The following PTPRD variants were observed in gnomAD, a reference collection of about 807,000 sequenced individuals.
PTPRD encodes the protein receptor-type tyrosine-protein phosphatase delta.
In PTPRD, 34 loss-of-function variants were observed where a neutral mutation model predicts 214.5. The observed-to-expected ratio is 0.16, with a 90% CI of 0.12 to 0.21. The LOEUF (loss-of-function observed/expected upper bound fraction) is 0.21. Among genes scored for constraint, PTPRD ranks in the 10% least tolerant of loss-of-function variants. PTPRD has a pLI of 1.00. For synonymous variants in PTPRD, 1,128 were observed against 845.7 expected (o/e 1.33, Z -5.79); for missense variants, 2,545 against 2,398.7 (o/e 1.06, Z -1.27).
intron 9 of PTPRD, among the ~76,000 whole-genome samples, chr9:9,347,089 C>A (rs1267601320): frequency 3.3e-5 from 5 of 152,060 alleles, no homozygotes; most frequent in African/African-American, 1.2e-4. Flanking sequence ...ATCACTTGAG[C>A]CTGGGAGGTT....
At chr9:9,664,030 A>C (rs1202940609) in intron 7 of PTPRD, among the ~76,000 whole-genome samples, 1 of 150,282 alleles carries the variant, frequency 6.7e-6, no homozygotes, top group East Asian at 1.9e-4. Flanking sequence ...TCACTGATAC[A>C]TTAGGTTTTA....
rs937430481 is a variant in PTPRD, at chr9:8,336,925, G to A, written c.5379+1997C>T. ...ACCATCTTACACCAGTTAGAATGGC[G>A]ATCATTAAAAAGTCAGGAAACAACA... On this transcript the variant is annotated intron_variant, in intron 43 of 45. Transcript: ENST00000381196. 5.3e-5 allele frequency among the ~76,000 whole-genome samples: 8 copies of A among 152,198 alleles called. No homozygotes were observed. In the East Asian group the frequency reaches 5.8e-4, roughly 11 times the overall value.
intron 9 of PTPRD, among the ~76,000 whole-genome samples, chr9:9,311,109 G>C (rs965254712): frequency 3.9e-5 from 6 of 151,910 alleles, no homozygotes; most frequent in Admixed American, 2.0e-4. Context: ...AATAGGAAAA[G>C]GCAAACGCCA....
chr9:9,323,686 C>T (rs1464191624), intron 9 of PTPRD, among the ~76,000 whole-genome samples: 1 of 151,966 alleles, frequency 6.6e-6, no homozygotes, highest in Non-Finnish European at 1.5e-5. Flanking sequence ...CATATGCATT[C>T]TCTCTCTTGT....
intron 27 of PTPRD, among the ~76,000 whole-genome samples, chr9:8,487,984 A>G (rs538149259): frequency 3.9e-5 from 6 of 152,256 alleles, no homozygotes; most frequent in African/African-American, 1.4e-4. Flanking sequence ...AGCTATGATC[A>G]CACCATTGCT....
intron 14 of PTPRD, among the ~76,000 whole-genome samples, chr9:8,559,056 T>TA (rs1158492700): frequency 1.1e-4 from 16 of 152,222 alleles, no homozygotes; most frequent in African/African-American, 3.4e-4. Flanking sequence ...TTTTACTTGT[T>TA]TCTATCTCTT....
At chr9:8,389,434 C>T (rs201895961) in intron 36 of PTPRD, 27 bp from the exon 37 acceptor site, 1 of 1,576,490 alleles carries the variant, frequency 6.3e-7, no homozygotes, top group Non-Finnish European at 8.6e-7. Flanking sequence ...GTTATTCAAC[C>T]AGGTGAGCAC....
At chr9:8,634,497 A>G (rs914628529) in intron 13 of PTPRD, among the ~76,000 whole-genome samples, 5 of 152,110 alleles carry the variant, frequency 3.3e-5, no homozygotes, top group Non-Finnish European at 5.9e-5. Flanking sequence ...AAGGACATTC[A>G]TATTTTCAAA....
chr9:10,159,895 G>A (rs2099117100), intron 3 of PTPRD, among the ~76,000 whole-genome samples: 1 of 151,956 alleles, frequency 6.6e-6, no homozygotes, highest in South Asian at 2.1e-4. Context: ...GAGAATTATT[G>A]GTGTTCAAAA....
At chr9:9,513,496 C>T (rs7032638) in intron 8 of PTPRD, among the ~76,000 whole-genome samples, 10,296 of 151,602 alleles carry the variant, frequency 0.068, 470 homozygotes, top group African/African-American at 0.13. Flanking sequence ...TATATATTAA[C>T]ATTTTGCTTT....
At chr9:10,394,260 T>C (rs937351472) in intron 2 of PTPRD, among the ~76,000 whole-genome samples, 17 of 147,446 alleles carry the variant, frequency 1.2e-4, no homozygotes, top group Admixed American at 2.7e-4. Flanking sequence ...AATATAACCA[T>C]TTGTCTTATA....
chr9:10,169,151 C>T (rs979225945), intron 3 of PTPRD, among the ~76,000 whole-genome samples: 1 of 152,044 alleles, frequency 6.6e-6, no homozygotes, highest in Non-Finnish European at 1.5e-5. Context: ...GTATTGATGT[C>T]CAAATCCTAT....
Position 9,520,613 on chromosome 9 carries a change from T to C in PTPRD, c.-237+54119A>G, listed in dbSNP as rs530058746. ...AAGGCGCAGACTAATTTTGAAGGAATATGGTCAACAAACAGTTATCGAGAT... is the reference window on the plus strand; with the variant it reads ...AAGGCGCAGACTAATTTTGAAGGAACATGGTCAACAAACAGTTATCGAGAT... On this transcript the variant is annotated intron_variant, in intron 8 of 45. Coordinates refer to ENST00000381196, the MANE Select transcript of PTPRD (RefSeq NM_002839.4). 2.6e-5 allele frequency among the ~76,000 whole-genome samples: 4 copies of C among 152,328 alleles called. No individual in the cohort carries two copies. In the South Asian group the frequency reaches 8.3e-4, roughly 32 times the overall value.
At chr9:8,705,696 G>C (rs2098191594) in intron 12 of PTPRD, among the ~76,000 whole-genome samples, 1 of 152,100 alleles carries the variant, frequency 6.6e-6, no homozygotes, top group Non-Finnish European at 1.5e-5. Flanking sequence ...ACATAAAATA[G>C]TTTTAAAGGA....
At chr9:10,334,390 G>A (rs923989581) in intron 3 of PTPRD, among the ~76,000 whole-genome samples, 1 of 151,420 alleles carries the variant, frequency 6.6e-6, no homozygotes, top group Non-Finnish European at 1.5e-5. Flanking sequence ...GGAATAGAAG[G>A]GAGCTTCCTC....
intron 2 of PTPRD, among the ~76,000 whole-genome samples, chr9:10,421,727 T>C (rs978641527): frequency 3.9e-5 from 6 of 152,066 alleles, no homozygotes; most frequent in Admixed American, 1.3e-4. Flanking sequence ...GTCTCTTTCA[T>C]AGAAACTTGC....
chr9:9,409,837 G>T (rs912562950), intron 8 of PTPRD, among the ~76,000 whole-genome samples: 1 of 152,044 alleles, frequency 6.6e-6, no homozygotes, highest in Non-Finnish European at 1.5e-5. Flanking sequence ...GATGAAAAAT[G>T]TCTAAGGTTT....
In PTPRD at chr9:8,555,098, A is replaced by G. The variant is rs149307340; in HGVS notation, c.353-26319T>C. On this transcript the variant is annotated intron_variant, in intron 14 of 45. Transcript: ENST00000381196. ...TTATAATTTACTAACTTCCCAGAAT[A>G]AGTCAGATGCCTCCTCAAATATTTA... 5.9e-4 allele frequency among the ~76,000 whole-genome samples: 90 copies of G among 152,318 alleles called. No individual in the cohort carries two copies. In the East Asian group the frequency reaches 0.017, roughly 29 times the overall value.
chr9:10,500,586 C>T (rs537626319), intron 2 of PTPRD, among the ~76,000 whole-genome samples: 3 of 151,726 alleles, frequency 2.0e-5, no homozygotes, highest in Admixed American at 6.6e-5. Flanking sequence ...TTAAAATGTA[C>T]GATTAAATTA....
Sources: gnomAD v4.1 joint callset for allele counts (sites outside exome capture counted in the v4.1 genomes callset) on GRCh38, gnomAD v4.1.1 for gene constraint, MANE v1.5 for transcripts, NCBI Gene and HGNC (gene_info 2026-07-23, HGNC 2026-07-21) for gene names.